KL: variants seen among roughly 807,000 people sequenced by gnomAD.
KL encodes the protein alpha-klotho.
In KL, 62 loss-of-function variants were observed where a neutral mutation model predicts 84.2. The ratio of observed to expected loss-of-function variants is 0.74; its 90% CI spans 0.60 to 0.91. KL has a LOEUF of 0.91. Among genes scored for constraint, KL ranks in the 40% least tolerant of loss-of-function variants. KL has a pLI of 0.00. For synonymous variants in KL, 528 were observed against 528.0 expected (o/e 1.00, Z 0.00); for missense variants, 1,261 against 1,305.7 (o/e 0.97, Z 0.53).
chr13:33,059,368 G>T (rs1283285802), intron 3 of KL, among the ~76,000 whole-genome samples: 1 of 152,110 alleles, frequency 6.6e-6, no homozygotes, highest in Non-Finnish European at 1.5e-5. Flanking sequence ...TGTTACAGAA[G>T]AATAATTTAG....
chr13:33,060,834 C>G lies in KL; in HGVS notation c.1755C>G (p.Leu585=). 1 of 1,614,208 alleles carries G rather than the reference C, an allele frequency of 6.2e-7. No individual in the cohort carries two copies. Among genetic ancestry groups the G allele is most frequent in the Non-Finnish European group, 8.5e-7 (1 of 1,180,032 alleles). Residue 585 remains leucine, a synonymous_variant, in exon 4 of 5, where the codon CTC becomes CTG. Coordinates refer to ENST00000380099, the MANE Select transcript of KL (RefSeq NM_004795.4). ...CCATCCAGCCCCAGATCGCTTTACT[C>G]CAGGAAATGCACGTTACACATTTTC... The part of the protein sequence containing the change: ...FAAIQPQIAL[L]QEMHVTHFRF...
At chr13:33,058,716 C>A (rs1872063019) in intron 3 of KL, among the ~76,000 whole-genome samples, 1 of 151,726 alleles carries the variant, frequency 6.6e-6, no homozygotes, top group Admixed American at 6.6e-5. Context: ...TTCAGATGGA[C>A]TGAATAAAAG....
intron 1 of KL, 91 bp downstream of exon 1, chr13:33,017,350 C>G (rs550536855): frequency 3.3e-6 from 4 of 1,216,758 alleles, no homozygotes; most frequent in Non-Finnish European, 4.5e-6. Context: ...GAGTCTCCCC[C>G]AGACGAGGCT....
At chr13:33,041,954 T>G (rs1871354007) in intron 1 of KL, among the ~76,000 whole-genome samples, 1 of 152,176 alleles carries the variant, frequency 6.6e-6, no homozygotes, top group South Asian at 2.1e-4. Context: ...TCTCTCTTCT[T>G]CCCAAGAATG....
In KL at chr13:33,053,789, T is replaced by G. The variant is rs1566507209; in HGVS notation, c.842T>G (p.Leu281Arg). The change falls in exon 2 of 5, where the codon CTC becomes CGC. Residue 281 changes from leucine to arginine, a missense_variant. Physicochemically the swap from Leu to Arg is moderately radical, Grantham distance 102 (BLOSUM62 -2). Transcript: ENST00000380099. ...LLLAHAKVWH[L>R]YNTSFRPTQG... The stretch of plus-strand genomic sequence containing the variant: ...TAGGCTCATGCCAAAGTCTGGCATC[T>G]CTACAATACTTCTTTCCGTCCCACT... 6.2e-7 allele frequency: 1 copy of G among 1,614,166 alleles called. No homozygotes were observed. The highest frequency in any genetic ancestry group is 2.2e-5 in the East Asian group (1 of 44,878).
chr13:33,019,450 A>T (rs1339389455), intron 1 of KL, among the ~76,000 whole-genome samples: 1 of 152,044 alleles, frequency 6.6e-6, no homozygotes, highest in South Asian at 2.1e-4. Context: ...CCGGGATCTG[A>T]TGTTGGTGAA....
At chr13:33,042,841 C>A (rs547149196) in intron 1 of KL, among the ~76,000 whole-genome samples, 1 of 152,270 alleles carries the variant, frequency 6.6e-6, no homozygotes, top group East Asian at 1.9e-4. Context: ...GCCACCACAC[C>A]TGGCTAAGTT....
In KL at chr13:33,064,502, T is replaced by A. The variant is rs538870679; in HGVS notation, c.*316T>A. The A allele has an allele frequency of 7.6e-5, 23 of 303,298 alleles. No individual in the cohort carries two copies. Among genetic ancestry groups the A allele is most frequent in the Middle Eastern group, 1.9e-3 (2 of 1,054 alleles). 18.8% of individuals were successfully genotyped at this position (303,298 alleles called of 1,614,324 possible). A position where few individuals can be genotyped will look rare whatever the true frequency, so the allele number is the denominator to read the frequency against. On this transcript the variant is annotated 3_prime_UTR_variant, in exon 5 of 5. Transcript: ENST00000380099. Reference sequence around the variant, plus strand: ...TGCAACATTTGTGCAGAAATTTGAATGACAAGATTAGGAATATTTTCTTCT... The same window carrying A: ...TGCAACATTTGTGCAGAAATTTGAAAGACAAGATTAGGAATATTTTCTTCT...
chr13:33,019,708 G>GGTGT (rs111786826), intron 1 of KL, among the ~76,000 whole-genome samples: 19,585 of 132,576 alleles, frequency 0.15, 1,673 homozygotes, highest in South Asian at 0.32. Flanking sequence ...TGGCAAAAAT[G>GGTGT]GTGTGTGTGT....
In KL at chr13:33,016,546, G is replaced by A; in HGVS notation, c.106G>A (p.Gly36Ser). The A allele has an allele frequency of 7.1e-7, 1 of 1,402,434 alleles. No homozygotes were observed. The highest frequency in any genetic ancestry group is 9.2e-7 in the Non-Finnish European group (1 of 1,082,948). 86.9% of individuals were successfully genotyped at this position (1,402,434 alleles called of 1,614,324 possible). Residue 36 changes from glycine (G) to serine (S), a missense_variant, in exon 1 of 5, where the codon GGC (glycine) becomes AGC (serine). By Grantham distance (56) the Gly-to-Ser change is moderately conservative (BLOSUM62 0). Coordinates refer to ENST00000380099, the MANE Select transcript of KL (RefSeq NM_004795.4). Reference sequence around the variant, plus strand: ...CGGCCGCCGCCTGCGTGCGGAGCCGGGCGACGGCGCGCAGACCTGGGCCCG... The same window carrying A: ...CGGCCGCCGCCTGCGTGCGGAGCCGAGCGACGGCGCGCAGACCTGGGCCCG... Reference protein sequence around the residue: ...LGGRRLRAEPGDGAQTWARFS... With the variant: ...LGGRRLRAEPSDGAQTWARFS...
At position 33,055,179 on chromosome 13, in the gene KL, T is replaced by G. The variant is rs1364148502; in HGVS notation, c.1463T>G (p.Leu488Trp). Residue 488 changes from leucine to tryptophan, a missense_variant, in exon 3 of 5, where the codon TTG becomes TGG. Leu to Trp is a moderately conservative substitution (Grantham distance 61). Transcript: ENST00000380099. Reference protein sequence around the residue: ...YVDFLSQDKMLLPKSSALFYQ... With the variant: ...YVDFLSQDKMWLPKSSALFYQ... ...GACTTTCTAAGCCAGGACAAGATGT[T>G]GTTGCCAAAGTCTTCAGCCTTGTTC... is the stretch of plus-strand genomic sequence containing the variant. The G allele has an allele frequency of 6.2e-7, 1 of 1,614,240 alleles. No individual in the cohort carries two copies.
intron 1 of KL, among the ~76,000 whole-genome samples, chr13:33,032,301 A>G (rs992236650): frequency 6.6e-5 from 10 of 152,222 alleles, no homozygotes; most frequent in African/African-American, 2.4e-4. Context: ...TAATTGCTTT[A>G]AATAACCATT....
intron 1 of KL, among the ~76,000 whole-genome samples, chr13:33,030,323 T>A (rs1240039727): frequency 6.6e-6 from 1 of 152,190 alleles, no homozygotes. Context: ...CTAAGTTTGG[T>A]AAATTTATTC....
intron 1 of KL, among the ~76,000 whole-genome samples, chr13:33,028,714 A>G (rs1288392610): frequency 2.0e-5 from 3 of 152,246 alleles, no homozygotes; most frequent in Non-Finnish European, 4.4e-5. Flanking sequence ...GCCAATCAAA[A>G]AGCAATGCAA....
chr13:33,021,014 C>T (rs533710091), intron 1 of KL, among the ~76,000 whole-genome samples: 15 of 152,336 alleles, frequency 9.8e-5, no homozygotes, highest in African/African-American at 3.1e-4. Flanking sequence ...CCTCCTCCCG[C>T]GCTCTTCCCT....
At chr13:33,021,001 A>G (rs1870556864) in intron 1 of KL, among the ~76,000 whole-genome samples, 2 of 151,822 alleles carry the variant, frequency 1.3e-5, no homozygotes, top group South Asian at 2.1e-4. Flanking sequence ...CTTTGCTCAG[A>G]TGCCTCCTCC....
In KL at chr13:33,024,507, T is replaced by A. The variant is rs139064387; in HGVS notation, c.819+7248T>A. ...GAGGACGAGTGGTTGGAGTTCTCCC[T>A]GTGCCGGACCCTGTAGAGAGTCCAG... On this transcript the variant is annotated intron_variant, in intron 1 of 4. Coordinates refer to ENST00000380099, the MANE Select transcript of KL (RefSeq NM_004795.4). Among the ~76,000 whole-genome samples the A allele has an allele frequency of 3.3e-3, 509 of 152,296 alleles. 4 individuals carry two copies. Among genetic ancestry groups the A allele is most frequent in the African/African-American group, 0.011 (466 of 41,568 alleles).
chr13:33,060,891 T>A lies in KL; in HGVS notation c.1812T>A (p.Pro604=), dbSNP rs1380675335. The A allele has an allele frequency of 6.2e-7, 1 of 1,614,216 alleles. No homozygotes were observed. Among genetic ancestry groups the A allele is most frequent in the Non-Finnish European group, 8.5e-7 (1 of 1,180,022 alleles). ...RFSLDWALIL[P]LGNQSQVNHT... ...CCCTGGACTGGGCCCTGATTCTCCC[T>A]CTGGGTAACCAGTCCCAGGTGAACC... Residue 604 remains proline (P), a synonymous_variant, in exon 4 of 5, where the codon CCT becomes CCA. Coordinates refer to ENST00000380099, the MANE Select transcript of KL (RefSeq NM_004795.4).
Position 33,020,750 on chromosome 13 carries a change from A to G in KL, c.819+3491A>G, listed in dbSNP as rs554133069. Among the ~76,000 whole-genome samples, 15 of 152,278 alleles carry G rather than the reference A, an allele frequency of 9.9e-5. No homozygotes were observed. The South Asian group carries it at 2.9e-3, about 29-fold the overall frequency. Reference sequence around the variant, plus strand: ...TTATCTATGACTACGATGGAGGTGCAAGACACCATCCAACCTTGCCTGGGT... The same window carrying G: ...TTATCTATGACTACGATGGAGGTGCGAGACACCATCCAACCTTGCCTGGGT... On this transcript the variant is annotated intron_variant, in intron 1 of 4. Transcript: ENST00000380099.
Sources: gnomAD v4.1 joint callset for allele counts (sites outside exome capture counted in the v4.1 genomes callset) on GRCh38, gnomAD v4.1.1 for gene constraint, MANE v1.5 for transcripts, NCBI Gene and HGNC (gene_info 2026-07-23, HGNC 2026-07-21) for gene names.